Variants in RARS2 observed in about 807,000 individuals in gnomAD.
The protein encoded by RARS2 is arginyl-tRNA synthetase 2, mitochondrial.
Under a neutral mutation model 88.5 loss-of-function variants are expected in RARS2, and 67 were observed. The ratio of observed to expected loss-of-function variants is 0.76; its 90% CI spans 0.62 to 0.93. The LOEUF (loss-of-function observed/expected upper bound fraction) is 0.93, where lower values mean the gene tolerates loss of function less well. Ranked by LOEUF, RARS2 falls within the 40% of genes least tolerant of loss-of-function variation. The pLI is 0.00. For synonymous variants in RARS2, 239 were observed against 230.3 expected, an observed-to-expected ratio of 1.04 and a Z score of -0.34; for missense variants, 664 against 684.2, an observed-to-expected ratio of 0.97 and a Z score of 0.33.
At chr6:87,555,025 A>G (rs963700731) in intron 5 of RARS2, among the ~76,000 whole-genome samples, 1 of 151,918 alleles carries the variant, frequency 6.6e-6, no homozygotes, top group African/African-American at 2.4e-5. Context: ...AATGGCGTGA[A>G]CCCAGGAGGT....
At chr6:87,531,380 C>A (rs550458838) in intron 8 of RARS2, among the ~76,000 whole-genome samples, 2 of 152,244 alleles carry the variant, frequency 1.3e-5, no homozygotes, top group South Asian at 2.1e-4. Flanking sequence ...ATATTATTAT[C>A]CTGTAACTTC....
chr6:87,519,208 G>GTGTGTGTGTATATA (rs1210109506), intron 14 of RARS2: 5 of 257,732 alleles, frequency 1.9e-5, no homozygotes, highest in Admixed American at 1.0e-4. Context: ...GTGTGTGTGT[G>GTGTGTGTGTATATA]TATATATATA....
At chr6:87,562,010 G>C (rs748665332) in intron 4 of RARS2, among the ~76,000 whole-genome samples, 21 of 152,208 alleles carry the variant, frequency 1.4e-4, no homozygotes, top group Middle Eastern at 3.2e-3. Flanking sequence ...TGTCACCAAG[G>C]TTGGAGTGCA....
intron 7 of RARS2, among the ~76,000 whole-genome samples, chr6:87,544,407 G>T (rs1164310164): frequency 6.6e-6 from 1 of 152,170 alleles, no homozygotes; most frequent in African/African-American, 2.4e-5. Context: ...TTAAGTCCAC[G>T]CCTTCAAGGA....
At chr6:87,585,954 CA>C (rs1775028660) in intron 1 of RARS2, among the ~76,000 whole-genome samples, 1 of 152,048 alleles carries the variant, frequency 6.6e-6, no homozygotes, top group Non-Finnish European at 1.5e-5. Flanking sequence ...GTTAGAAAAA[CA>C]AATTAACATT....
At chr6:87,558,183 A>AG (rs1786617061) in intron 4 of RARS2, among the ~76,000 whole-genome samples, 1 of 146,304 alleles carries the variant, frequency 6.8e-6, no homozygotes, top group African/African-American at 2.5e-5. Context: ...GTCTCAAAGA[A>AG]AAAAAAAAAA....
At chr6:87,566,040 C>T (rs542099149) in intron 2 of RARS2, among the ~76,000 whole-genome samples, 3 of 152,296 alleles carry the variant, frequency 2.0e-5, no homozygotes, top group South Asian at 4.1e-4. Flanking sequence ...TGGCCAGGTA[C>T]AGGGGCCCAT....
intron 1 of RARS2, among the ~76,000 whole-genome samples, chr6:87,570,100 A>G (rs1018920554): frequency 6.6e-6 from 1 of 152,206 alleles, no homozygotes; most frequent in African/African-American, 2.4e-5. Context: ...AAACAAGTAA[A>G]TAACAGGGAA....
At chr6:87,578,559 C>T (rs1772346256) in intron 1 of RARS2, among the ~76,000 whole-genome samples, 3 of 152,300 alleles carry the variant, frequency 2.0e-5, no homozygotes, top group Non-Finnish European at 1.5e-5. Flanking sequence ...ATGGCTCAGA[C>T]ACGTACTGTT....
At chr6:87,569,640 C>T in intron 1 of RARS2, 50 bp from the exon 2 acceptor site, 1 of 1,400,194 alleles carries the variant, frequency 7.1e-7, no homozygotes, top group Non-Finnish European at 1.0e-6. Context: ...CATATTTGTT[C>T]CATTCAATGG....
intron 11 of RARS2, among the ~76,000 whole-genome samples, chr6:87,523,522 A>G (rs1352352620): frequency 6.6e-6 from 1 of 152,182 alleles, no homozygotes; most frequent in African/African-American, 2.4e-5. Flanking sequence ...CAAAGAAAAA[A>G]GAGAAAGTAC....
rs571440390 is a variant in RARS2, at chr6:87,549,283, G to A, written c.396-637C>T. On this transcript the variant is annotated intron_variant, in intron 5 of 19. Coordinates refer to ENST00000369536, the MANE Select transcript of RARS2 (RefSeq NM_020320.5). The stretch of plus-strand genomic sequence containing the variant: ...AGGCAGGAGAATGGCTTGAACCTGG[G>A]AGGCGGAGGTTGCAGTGAGCCGAGA... Among the ~76,000 whole-genome samples the A allele has an allele frequency of 5.3e-5, 8 of 151,946 alleles. No individual in the cohort carries two copies. The East Asian group carries it at 1.5e-3, about 29-fold the overall frequency.
chr6:87,562,617 A>T (rs1788178619), intron 4 of RARS2, 85 bp downstream of exon 4: 1 of 1,036,078 alleles, frequency 9.7e-7, no homozygotes, highest in African/African-American at 1.6e-5. Flanking sequence ...GAGGAGGCAT[A>T]AAGAATTTAA....
rs55999428 is a variant in RARS2, at chr6:87,576,274, CTTTTTTTTTTT to C, written c.37-6695_37-6685del. On this transcript the variant is annotated intron_variant, in intron 1 of 19. Transcript: ENST00000369536. ...TTACAGGTATAATAAACACAAATTT[CTTTTTTTTTTT>C]TTTTTTTTTGAGACGGAGTCTCGCT... is the stretch of plus-strand genomic sequence containing the variant. 8.7e-5 allele frequency among the ~76,000 whole-genome samples: 7 copies of C among 80,790 alleles called. 3 individuals are homozygous for C. In the East Asian group the frequency reaches 1.3e-3, roughly 16 times the overall value. The allele number at this position is 80,790 out of a possible 152,430, so 53.0% of individuals were successfully genotyped here.
intron 4 of RARS2, 89 bp downstream of exon 4, chr6:87,562,613 G>C: frequency 1.1e-6 from 1 of 940,792 alleles, no homozygotes; most frequent in African/African-American, 1.6e-5. Flanking sequence ...GCCAGAGGAG[G>C]CATAAAGAAT....
chr6:87,519,182 A>ATGTG (rs772148859), intron 14 of RARS2: 3,553 of 204,610 alleles, frequency 0.017, 52 homozygotes, highest in African/African-American at 0.081. Context: ...ATATAAATAT[A>ATGTG]TATGTGTGTG....
Position 87,581,810 on chromosome 6 carries a change from T to C in RARS2, c.36+8112A>G, listed in dbSNP as rs1214837397. ...TTCTTCCCCTCCCCATGGCCATGTG[T>C]TCTCATTGTTCAGCTCACACTTACA... On this transcript the variant is annotated intron_variant, in intron 1 of 19. Coordinates refer to ENST00000369536, the MANE Select transcript of RARS2 (RefSeq NM_020320.5). 2.0e-5 allele frequency among the ~76,000 whole-genome samples: 3 copies of C among 152,150 alleles called. No homozygotes were observed. The East Asian group carries it at 5.8e-4, about 29-fold the overall frequency.
intron 5 of RARS2, among the ~76,000 whole-genome samples, chr6:87,552,751 A>C (rs1283667643): frequency 6.6e-6 from 1 of 152,154 alleles, no homozygotes; most frequent in African/African-American, 2.4e-5. Context: ...AAAGATGGTG[A>C]AGCTGAAAAA....
At chr6:87,534,096 A>AT (rs1418332605) in intron 8 of RARS2, among the ~76,000 whole-genome samples, 1 of 152,224 alleles carries the variant, frequency 6.6e-6, no homozygotes, top group Non-Finnish European at 1.5e-5. Context: ...ATTATGTTTA[A>AT]TGCTGTTTCA....
Sources: gnomAD v4.1 joint callset for allele counts (sites outside exome capture counted in the v4.1 genomes callset) on GRCh38, gnomAD v4.1.1 for gene constraint, MANE v1.5 for transcripts, NCBI Gene and HGNC (gene_info 2026-07-23, HGNC 2026-07-21) for gene names.